The following VAT1L variants were observed in gnomAD, a reference collection of about 807,000 sequenced individuals.
VAT1L encodes vesicle amine transport 1 like.
Under a neutral mutation model 44.1 loss-of-function variants are expected in VAT1L, and 34 were observed. The ratio of observed to expected loss-of-function variants is 0.77; its 90% confidence interval spans 0.59 to 1.03. The LOEUF (loss-of-function observed/expected upper bound fraction) is 1.03, where lower values mean the gene tolerates loss of function less well. Ranked by LOEUF, VAT1L falls within the 50% of genes least tolerant of loss-of-function variation. VAT1L has a pLI of 0.00. For missense variants in VAT1L, 615 were observed against 538.8 expected, an observed-to-expected ratio of 1.14 and a Z score of -1.40; for synonymous variants, 253 against 202.2, an observed-to-expected ratio of 1.25 and a Z score of -2.13.
chr16:77,799,504 G>GGTGTGTGT (rs10525414), intron 1 of VAT1L, among the ~76,000 whole-genome samples: 44 of 140,990 alleles, frequency 3.1e-4, no homozygotes, highest in South Asian at 1.2e-3. Flanking sequence ...TGGAATACAT[G>GGTGTGTGT]GTGTGTGTGT....
chr16:77,809,670 G>A (rs1416868848), intron 1 of VAT1L, among the ~76,000 whole-genome samples: 2 of 152,220 alleles, frequency 1.3e-5, no homozygotes, highest in Non-Finnish European at 2.9e-5. Flanking sequence ...CTCAGCAATT[G>A]CTGCTATGGG....
At chr16:77,910,530 A>T (rs1440398868) in intron 7 of VAT1L, among the ~76,000 whole-genome samples, 1 of 151,810 alleles carries the variant, frequency 6.6e-6, no homozygotes, top group Non-Finnish European at 1.5e-5. Context: ...AAATATTAGC[A>T]GGGCATGGTG....
intron 7 of VAT1L, among the ~76,000 whole-genome samples, chr16:77,947,667 C>G (rs2017985942): frequency 6.6e-6 from 1 of 152,212 alleles, no homozygotes; most frequent in Non-Finnish European, 1.5e-5. Context: ...TCACTCACGC[C>G]CAGTCCCCTG....
At chr16:77,861,083 C>T (rs1346566980) in intron 3 of VAT1L, among the ~76,000 whole-genome samples, 2 of 152,146 alleles carry the variant, frequency 1.3e-5, no homozygotes, top group Non-Finnish European at 2.9e-5. Flanking sequence ...CCAACTCTGA[C>T]ATTCTGTGAT....
chr16:77,964,798 T>G (rs1376962774), intron 7 of VAT1L, among the ~76,000 whole-genome samples: 3 of 119,556 alleles, frequency 2.5e-5, no homozygotes, highest in African/African-American at 8.2e-5. Flanking sequence ...TTTTTTTTTT[T>G]TTTTTTTTTT....
intron 2 of VAT1L, among the ~76,000 whole-genome samples, chr16:77,817,372 C>T (rs1177554399): frequency 6.6e-6 from 1 of 152,176 alleles, no homozygotes; most frequent in East Asian, 1.9e-4. Context: ...ATATCCGGAA[C>T]TCTCATTTTC....
chr16:77,891,457 T>C (rs2017265198), intron 7 of VAT1L, among the ~76,000 whole-genome samples: 1 of 152,206 alleles, frequency 6.6e-6, no homozygotes, highest in Non-Finnish European at 1.5e-5. Flanking sequence ...TGCAGAAAGT[T>C]CTGTTGAAGC....
chr16:77,820,871 A>T (rs3861262), intron 2 of VAT1L, among the ~76,000 whole-genome samples: 3 of 152,096 alleles, frequency 2.0e-5, no homozygotes, highest in African/African-American at 7.2e-5. Context: ...ATTATTATCA[A>T]TAACAATAGC....
At chr16:77,832,062 G>A (rs916901019) in intron 3 of VAT1L, among the ~76,000 whole-genome samples, 4 of 147,644 alleles carry the variant, frequency 2.7e-5, no homozygotes, top group South Asian at 2.1e-4. Flanking sequence ...TCCTGACCTC[G>A]GGCAATCCAC....
intron 3 of VAT1L, among the ~76,000 whole-genome samples, chr16:77,842,666 G>T (rs1224766720): frequency 5.3e-5 from 8 of 152,130 alleles, no homozygotes; most frequent in African/African-American, 1.4e-4. Context: ...CAGGCAGCCA[G>T]AAATAAATCA....
chr16:77,819,299 G>T (rs2016408437), intron 2 of VAT1L, among the ~76,000 whole-genome samples: 1 of 152,110 alleles, frequency 6.6e-6, no homozygotes, highest in Admixed American at 6.6e-5. Context: ...GGGTTTTCGT[G>T]ATTCTGTGAA....
At chr16:77,935,979 C>G (rs917557894) in intron 7 of VAT1L, among the ~76,000 whole-genome samples, 4 of 152,300 alleles carry the variant, frequency 2.6e-5, no homozygotes, top group African/African-American at 9.6e-5. Flanking sequence ...CATCCTGCTT[C>G]TCTCTCGTTC....
intron 1 of VAT1L, among the ~76,000 whole-genome samples, chr16:77,815,210 G>T (rs2016330557): frequency 6.6e-6 from 1 of 152,142 alleles, no homozygotes; most frequent in African/African-American, 2.4e-5. Flanking sequence ...TAGGATCTTT[G>T]GGAGTCTACA....
Position 77,788,927 on chromosome 16 carries a change from G to A in VAT1L, c.233+12G>A. On this transcript the variant is annotated intron_variant, in intron 1 of 8. Coordinates refer to ENST00000302536, the MANE Select transcript of VAT1L (RefSeq NM_020927.3). Reference sequence around the variant, plus strand: ...CGCGTCAAAGCCTGGTCCAGTATCCGCGCCTTTCTCGCTTTCTCTCTTTTT... The same window carrying A: ...CGCGTCAAAGCCTGGTCCAGTATCCACGCCTTTCTCGCTTTCTCTCTTTTT... 6.8e-7 allele frequency: 1 copy of A among 1,468,078 alleles called. No individual in the cohort carries two copies. Among genetic ancestry groups the A allele is most frequent in the South Asian group, 1.4e-5 (1 of 71,638 alleles). 90.9% of individuals were successfully genotyped at this position (1,468,078 alleles called of 1,614,324 possible).
chr16:77,935,499 T>TAA lies in VAT1L; in HGVS notation c.1078-36335_1078-36334dup, dbSNP rs35559626. ...CCACTCCCCATTCAATGACGGTTTA[T>TAA]AAAAAAAAAAAAAAAAACTACCCTT... On this transcript the variant is annotated intron_variant, in intron 7 of 8. Transcript: ENST00000302536. 2.1e-3 allele frequency among the ~76,000 whole-genome samples: 241 copies of TAA among 115,782 alleles called. 1 individual carries two copies. Among genetic ancestry groups the TAA allele is most frequent in the African/African-American group, 3.0e-3 (96 of 31,570 alleles). 76.0% of individuals were successfully genotyped at this position (115,782 alleles called of 152,430 possible).
At chr16:77,807,568 T>G (rs544129469) in intron 1 of VAT1L, among the ~76,000 whole-genome samples, 9 of 152,100 alleles carry the variant, frequency 5.9e-5, no homozygotes, top group South Asian at 4.2e-4. Flanking sequence ...CATCTAGGAG[T>G]TGTCTTTTAG....
At chr16:77,808,705 C>G (rs1351407949) in intron 1 of VAT1L, among the ~76,000 whole-genome samples, 1 of 152,118 alleles carries the variant, frequency 6.6e-6, no homozygotes, top group African/African-American at 2.4e-5. Flanking sequence ...AAGCAATTCT[C>G]CTGCCTCAGC....
intron 4 of VAT1L, among the ~76,000 whole-genome samples, chr16:77,867,225 A>G (rs967225322): frequency 1.3e-5 from 2 of 152,162 alleles, no homozygotes; most frequent in African/African-American, 4.8e-5. Context: ...AGAGGACTCA[A>G]GGAAACTTTT....
chr16:77,912,322 A>G (rs1299656845), intron 7 of VAT1L, among the ~76,000 whole-genome samples: 2 of 152,256 alleles, frequency 1.3e-5, no homozygotes, highest in Non-Finnish European at 2.9e-5. Context: ...TGAGTCTTTC[A>G]TATAATATGA....
Sources: allele counts gnomAD v4.1 joint callset (sites outside exome capture counted in the v4.1 genomes callset), GRCh38; gene constraint gnomAD v4.1.1; transcripts MANE v1.5; gene names NCBI Gene and HGNC (gene_info 2026-07-23, HGNC 2026-07-21).